Variants in ARHGAP24 observed in about 807,000 individuals in gnomAD.
ARHGAP24 encodes Rho GTPase activating protein 24, also known as rho GTPase-activating protein 24.
A neutral mutation model predicts 76.4 loss-of-function variants in ARHGAP24; 50 were observed. That is an observed-to-expected ratio of 0.65 (90% CI 0.52 to 0.83). The LOEUF is 0.83. ARHGAP24 is among the 40% of genes least tolerant of loss of function. ARHGAP24 has a pLI of 0.00. For missense variants in ARHGAP24, 930 were observed against 914.2 expected, an observed-to-expected ratio of 1.02 and a Z score of -0.22; for synonymous variants, 345 against 323.3, an observed-to-expected ratio of 1.07 and a Z score of -0.72.
intron 3 of ARHGAP24, among the ~76,000 whole-genome samples, chr4:85,831,591 A>G (rs1327254607): frequency 1.3e-5 from 2 of 152,092 alleles, no homozygotes; most frequent in African/African-American, 2.4e-5. Flanking sequence ...GTTCAGAGGG[A>G]TTATTTTGTG....
intron 3 of ARHGAP24, among the ~76,000 whole-genome samples, chr4:85,800,834 A>G (rs182425836): frequency 1.6e-4 from 24 of 152,340 alleles, no homozygotes; most frequent in Admixed American, 1.6e-3. Flanking sequence ...TAGCACAAGT[A>G]GTTTATTTCC....
chr4:85,788,047 G>A (rs1456813085), intron 3 of ARHGAP24, among the ~76,000 whole-genome samples: 1 of 152,164 alleles, frequency 6.6e-6, no homozygotes, highest in East Asian at 1.9e-4. Flanking sequence ...AAGGAGTGGT[G>A]AGAGAGACAA....
chr4:85,653,075 T>A (rs1263875428), intron 2 of ARHGAP24, among the ~76,000 whole-genome samples: 1 of 152,218 alleles, frequency 6.6e-6, no homozygotes, highest in Non-Finnish European at 1.5e-5. Context: ...AAATTCATAT[T>A]GATGAACCTA....
At chr4:85,770,469 AT>A (rs942706397) in intron 3 of ARHGAP24, among the ~76,000 whole-genome samples, 8 of 152,196 alleles carry the variant, frequency 5.3e-5, no homozygotes, top group African/African-American at 1.9e-4. Context: ...AGAAATAATT[AT>A]TGTTGTTACC....
At chr4:85,806,660 G>A (rs1188656811) in intron 3 of ARHGAP24, among the ~76,000 whole-genome samples, 2 of 151,954 alleles carry the variant, frequency 1.3e-5, no homozygotes, top group Admixed American at 6.6e-5. Context: ...CACAAAAATG[G>A]GAGTTAAGAA....
chr4:85,643,395 A>T (rs1721603301), intron 2 of ARHGAP24, among the ~76,000 whole-genome samples: 1 of 121,106 alleles, frequency 8.3e-6, no homozygotes, highest in African/African-American at 2.8e-5. Context: ...AGTAGCTGGG[A>T]CTACAGGCGC....
intron 5 of ARHGAP24, among the ~76,000 whole-genome samples, chr4:85,946,113 G>A (rs1371930303): frequency 6.6e-6 from 1 of 152,096 alleles, no homozygotes; most frequent in Non-Finnish European, 1.5e-5. Context: ...GATCTCATGA[G>A]ACTCATTCAC....
chr4:85,805,701 T>C lies in ARHGAP24; in HGVS notation c.268+83729T>C, dbSNP rs369447044. Among the ~76,000 whole-genome samples, 52 of 152,318 alleles carry C rather than the reference T, an allele frequency of 3.4e-4. No homozygotes were observed. The East Asian group carries it at 6.2e-3, about 18-fold the overall frequency. ...GCATTAAAATGTAAATTTTCTGAAC[T>C]TCGGATTTTTCCTTTGGCCTTTCGT... On this transcript the variant is annotated intron_variant, in intron 3 of 9. Coordinates refer to ENST00000395184, the MANE Select transcript of ARHGAP24 (RefSeq NM_001025616.3).
chr4:85,769,717 A>G (rs1727060394), intron 3 of ARHGAP24, among the ~76,000 whole-genome samples: 1 of 151,176 alleles, frequency 6.6e-6, no homozygotes, highest in Non-Finnish European at 1.5e-5. Context: ...CATCCCAAGT[A>G]GCTGGGATTA....
chr4:85,568,911 G>C (rs902752703), intron 1 of ARHGAP24, among the ~76,000 whole-genome samples: 15 of 152,224 alleles, frequency 9.9e-5, no homozygotes, highest in African/African-American at 3.6e-4. Context: ...CAAATCTTCT[G>C]CAAAGATGGT....
chr4:85,905,376 A>G (rs17411008), intron 3 of ARHGAP24, among the ~76,000 whole-genome samples: 27,360 of 127,602 alleles, frequency 0.21, 2,599 homozygotes, highest in South Asian at 0.38. Flanking sequence ...ACTTTCAGAA[A>G]AGACAGTCTG....
At chr4:85,830,680 A>G (rs1729950091) in intron 3 of ARHGAP24, among the ~76,000 whole-genome samples, 3 of 152,176 alleles carry the variant, frequency 2.0e-5, no homozygotes, top group Admixed American at 2.0e-4. Flanking sequence ...TTTAACTACT[A>G]TTACTTCTAG....
intron 2 of ARHGAP24, among the ~76,000 whole-genome samples, chr4:85,682,469 C>T (rs1291752040): frequency 6.6e-6 from 1 of 152,186 alleles, no homozygotes; most frequent in African/African-American, 2.4e-5. Flanking sequence ...AAATCAAAGA[C>T]AGCCATCCTG....
chr4:85,883,726 A>T (rs999676236), intron 3 of ARHGAP24, among the ~76,000 whole-genome samples: 9 of 152,246 alleles, frequency 5.9e-5, no homozygotes, highest in African/African-American at 1.9e-4. Flanking sequence ...ATATGGTTAC[A>T]TAGTGAAATA....
At chr4:85,889,698 A>G (rs533095718) in intron 3 of ARHGAP24, among the ~76,000 whole-genome samples, 1 of 152,318 alleles carries the variant, frequency 6.6e-6, no homozygotes, top group East Asian at 1.9e-4. Context: ...TCACTGGTTA[A>G]AGTTCCAAAC....
At chr4:85,589,697 C>A (rs1405109419) in intron 2 of ARHGAP24, among the ~76,000 whole-genome samples, 2 of 152,110 alleles carry the variant, frequency 1.3e-5, no homozygotes, top group Non-Finnish European at 2.9e-5. Context: ...ACTAATAATT[C>A]CTCTTGGGAT....
intron 2 of ARHGAP24, among the ~76,000 whole-genome samples, chr4:85,586,142 T>C (rs1363412941): frequency 6.6e-6 from 1 of 152,200 alleles, no homozygotes; most frequent in Non-Finnish European, 1.5e-5. Context: ...CTCTCTTTCT[T>C]GTTCTTGCTC....
intron 1 of ARHGAP24, among the ~76,000 whole-genome samples, chr4:85,514,776 G>A: frequency 8.4e-6 from 1 of 118,536 alleles, no homozygotes; most frequent in Non-Finnish European, 1.6e-5. Flanking sequence ...ACTGGATCAT[G>A]TGTTGCCTTA....
chr4:85,864,113 A>G (rs891173002), intron 3 of ARHGAP24, among the ~76,000 whole-genome samples: 1 of 152,116 alleles, frequency 6.6e-6, no homozygotes, highest in Non-Finnish European at 1.5e-5. Context: ...CTGGCAGAGA[A>G]GGGAAGATGG....
Sources: gnomAD v4.1 joint callset for allele counts (sites outside exome capture counted in the v4.1 genomes callset) on GRCh38, gnomAD v4.1.1 for gene constraint, MANE v1.5 for transcripts, NCBI Gene and HGNC (gene_info 2026-07-23, HGNC 2026-07-21) for gene names.